Variants in DNAJC3 observed in about 807,000 individuals in gnomAD.
DNAJC3 encodes the protein DnaJ heat shock protein family (Hsp40) member C3.
Under a neutral mutation model 68.6 loss-of-function variants are expected in DNAJC3, and 38 were observed. The observed-to-expected ratio is 0.55, with a 90% CI of 0.43 to 0.73. The LOEUF (loss-of-function observed/expected upper bound fraction) is 0.73, where lower values mean the gene tolerates loss of function less well. DNAJC3 is among the 30% of genes least tolerant of loss of function. DNAJC3 has a pLI of 0.00. For synonymous variants in DNAJC3, 203 were observed against 204.0 expected (o/e 1.00, Z 0.04); for missense variants, 526 against 591.9 (o/e 0.89, Z 1.16).
At chr13:95,742,633 G>A (rs753738058) in intron 4 of DNAJC3, 2 of 512,712 alleles carry the variant, frequency 3.9e-6, no homozygotes, top group Admixed American at 2.0e-5. Flanking sequence ...CTTCTTCTTA[G>A]GTGTTTCCTG....
chr13:95,750,226 T>C (rs1229316528), intron 4 of DNAJC3, among the ~76,000 whole-genome samples: 6 of 139,848 alleles, frequency 4.3e-5, no homozygotes, highest in Admixed American at 8.0e-5. Flanking sequence ...AATAAATGGC[T>C]GCACTCCAGC....
intron 1 of DNAJC3, among the ~76,000 whole-genome samples, chr13:95,703,777 A>G (rs1880643009): frequency 1.3e-5 from 2 of 149,864 alleles, no homozygotes; most frequent in African/African-American, 4.9e-5. Flanking sequence ...TCCTTCATCT[A>G]CTCCCTGTTC....
intron 1 of DNAJC3, among the ~76,000 whole-genome samples, chr13:95,697,560 T>C (rs142399723): frequency 1.3e-5 from 2 of 152,328 alleles, no homozygotes; most frequent in African/African-American, 4.8e-5. Context: ...TCTGCATATC[T>C]AGCAAGATCA....
intron 2 of DNAJC3, among the ~76,000 whole-genome samples, chr13:95,711,582 A>T (rs1880969204): frequency 6.6e-6 from 1 of 152,140 alleles, no homozygotes; most frequent in Non-Finnish European, 1.5e-5. Flanking sequence ...AAATGAGGGG[A>T]AAAGTGGAAA....
intron 4 of DNAJC3, among the ~76,000 whole-genome samples, chr13:95,755,392 A>G (rs954456660): frequency 1.4e-4 from 21 of 152,000 alleles, no homozygotes; most frequent in African/African-American, 5.1e-4. Flanking sequence ...TGGAGATTGC[A>G]GTGAGCTAAG....
At chr13:95,697,988 T>C (rs991048394) in intron 1 of DNAJC3, among the ~76,000 whole-genome samples, 1 of 152,172 alleles carries the variant, frequency 6.6e-6, no homozygotes, top group African/African-American at 2.4e-5. Context: ...GCAGTCTTTT[T>C]GGTGGTGTCA....
chr13:95,690,609 G>C (rs1165891915), intron 1 of DNAJC3, among the ~76,000 whole-genome samples: 2 of 149,300 alleles, frequency 1.3e-5, no homozygotes, highest in South Asian at 4.2e-4. Context: ...CTGGCCAGGC[G>C]GGGGGCTGAC....
At chr13:95,710,881 G>A (rs1160832475) in intron 2 of DNAJC3, among the ~76,000 whole-genome samples, 2 of 151,722 alleles carry the variant, frequency 1.3e-5, no homozygotes, top group African/African-American at 4.8e-5. Flanking sequence ...AATAGAAACT[G>A]GGTTTCACCA....
At chr13:95,720,132 G>A (rs1467717738) in intron 2 of DNAJC3, among the ~76,000 whole-genome samples, 2 of 152,090 alleles carry the variant, frequency 1.3e-5, no homozygotes, top group African/African-American at 4.8e-5. Context: ...TGCAGTAAGG[G>A]ATATGTATTA....
chr13:95,733,636 G>C (rs1050118504), intron 4 of DNAJC3, among the ~76,000 whole-genome samples: 10 of 151,314 alleles, frequency 6.6e-5, no homozygotes, highest in Non-Finnish European at 1.5e-4. Flanking sequence ...CTGATCTCAG[G>C]TGATCTGCCT....
intron 1 of DNAJC3, among the ~76,000 whole-genome samples, chr13:95,699,325 C>G (rs1019593484): frequency 6.6e-6 from 1 of 152,188 alleles, no homozygotes; most frequent in African/African-American, 2.4e-5. Flanking sequence ...GCTGGATACT[C>G]ATTTTATCCT....
At chr13:95,777,866 A>G (rs1176995922) in intron 9 of DNAJC3, among the ~76,000 whole-genome samples, 2 of 152,230 alleles carry the variant, frequency 1.3e-5, no homozygotes, top group Non-Finnish European at 2.9e-5. Context: ...ATTCTTTTCA[A>G]TAGCTCATGA....
intron 1 of DNAJC3, chr13:95,695,137 A>G (rs1352646210): frequency 6.6e-6 from 1 of 152,198 alleles, no homozygotes; most frequent in Non-Finnish European, 1.5e-5. Flanking sequence ...CTTCATCATT[A>G]TAGCCGTAGC....
intron 9 of DNAJC3, 58 bp from the exon 10 acceptor site, chr13:95,785,881 G>A: frequency 6.7e-7 from 1 of 1,482,308 alleles, no homozygotes; most frequent in South Asian, 1.4e-5. Flanking sequence ...TACAGGATAA[G>A]AAAAGGCAAT....
At chr13:95,729,681 G>A (rs1881652049) in intron 4 of DNAJC3, among the ~76,000 whole-genome samples, 1 of 151,820 alleles carries the variant, frequency 6.6e-6, no homozygotes, top group African/African-American at 2.4e-5. Context: ...ATTATTTTTT[G>A]TCTTTTTATA....
chr13:95,684,552 G>A (rs926630056), intron 1 of DNAJC3, among the ~76,000 whole-genome samples: 1 of 152,246 alleles, frequency 6.6e-6, no homozygotes, highest in Non-Finnish European at 1.5e-5. Context: ...CCCATTTATA[G>A]GGGAGTAATT....
intron 1 of DNAJC3, among the ~76,000 whole-genome samples, chr13:95,689,374 A>C (rs1308640787): frequency 6.6e-6 from 1 of 150,542 alleles, no homozygotes; most frequent in African/African-American, 2.4e-5. Flanking sequence ...TAAGTTTTCT[A>C]TCTAGTTTGC....
At chr13:95,704,032 C>T (rs1880650679) in intron 1 of DNAJC3, among the ~76,000 whole-genome samples, 1 of 152,128 alleles carries the variant, frequency 6.6e-6, no homozygotes, top group Non-Finnish European at 1.5e-5. Context: ...CTTGTTTGCC[C>T]TTGGTAATTC....
At position 95,793,965 on chromosome 13, in the gene DNAJC3, G is replaced by A. The variant is rs182708929; in HGVS notation, c.*2935G>A. 1.3e-5 allele frequency: 2 copies of A among 152,176 alleles called. No homozygotes were observed. The highest frequency in any genetic ancestry group is 1.9e-4 in the East Asian group (1 of 5,172). The allele number at this position is 152,176 out of a possible 1,614,324, so 9.4% of individuals were successfully genotyped here. ...GCATTGTGAAAAGGTTCCAAAACGG[G>A]AGACAAAATTTAATTCATTCCTCAG... On this transcript the variant is annotated 3_prime_UTR_variant, in exon 12 of 12. Transcript: ENST00000602402.
Sources: allele counts gnomAD v4.1 joint callset (sites outside exome capture counted in the v4.1 genomes callset), GRCh38; gene constraint gnomAD v4.1.1; transcripts MANE v1.5; gene names NCBI Gene and HGNC (gene_info 2026-07-23, HGNC 2026-07-21).